The following MAP4K4 variants were observed in gnomAD, a reference collection of about 807,000 sequenced individuals.
The protein encoded by MAP4K4 is mitogen-activated protein kinase kinase kinase kinase 4, also known as HPK/GCK-like kinase HGK.
MAP4K4 carries 38 observed loss-of-function variants against 189.6 expected under a neutral mutation model. The ratio of observed to expected loss-of-function variants is 0.20; its 90% CI spans 0.15 to 0.26. MAP4K4 has a LOEUF of 0.26. Ranked by LOEUF, MAP4K4 falls within the 10% of genes least tolerant of loss-of-function variation. MAP4K4 has a pLI of 1.00. For synonymous variants in MAP4K4, 610 were observed against 624.3 expected (o/e 0.98, Z 0.34); for missense variants, 1,054 against 1,726.9 (o/e 0.61, Z 6.91).
chr2:101,812,563 T>C (rs1376437507), intron 3 of MAP4K4, among the ~76,000 whole-genome samples: 1 of 152,124 alleles, frequency 6.6e-6, no homozygotes, highest in Non-Finnish European at 1.5e-5. Flanking sequence ...TACAGCTTTA[T>C]GAAATGTGTA....
intron 2 of MAP4K4, among the ~76,000 whole-genome samples, chr2:101,764,437 G>C (rs781229319): frequency 6.6e-5 from 10 of 152,206 alleles, no homozygotes; most frequent in Non-Finnish European, 1.5e-4. Context: ...AAATTAAGTT[G>C]AGAACATTCT....
intron 2 of MAP4K4, among the ~76,000 whole-genome samples, chr2:101,776,766 G>C (rs1271672352): frequency 6.6e-6 from 1 of 151,986 alleles, no homozygotes; most frequent in African/African-American, 2.4e-5. Context: ...AAGTGCAACC[G>C]TAAGAGGACA....
chr2:101,714,750 G>A (rs75777737), intron 2 of MAP4K4, among the ~76,000 whole-genome samples: 306 of 152,282 alleles, frequency 2.0e-3, no homozygotes, highest in Middle Eastern at 0.014. Context: ...GAGGAGGCTT[G>A]AAGATTATCT....
chr2:101,884,299 CAT>C (rs1200288445), intron 28 of MAP4K4, among the ~76,000 whole-genome samples: 2 of 152,078 alleles, frequency 1.3e-5, no homozygotes, highest in Admixed American at 6.6e-5. Flanking sequence ...GCAATAGCCC[CAT>C]GTGTGTGGTG....
chr2:101,799,052 C>T (rs1199557795), intron 3 of MAP4K4, among the ~76,000 whole-genome samples: 1 of 152,074 alleles, frequency 6.6e-6, no homozygotes, highest in African/African-American at 2.4e-5. Flanking sequence ...ATCTTTTGCT[C>T]CTCTTTCCCA....
chr2:101,796,152 G>A (rs962413732), intron 3 of MAP4K4, among the ~76,000 whole-genome samples: 23 of 152,192 alleles, frequency 1.5e-4, no homozygotes, highest in African/African-American at 5.3e-4. Context: ...GGCCTGTCCA[G>A]TGGCCTTTCC....
At chr2:101,872,721 G>A (rs1186692260) in intron 24 of MAP4K4, among the ~76,000 whole-genome samples, 2 of 152,160 alleles carry the variant, frequency 1.3e-5, no homozygotes, top group Non-Finnish European at 2.9e-5. Flanking sequence ...GGAAGCTTAG[G>A]GGAGGGCATG....
exon 23 of MAP4K4, chr2:101,870,315 A>T: frequency 1.2e-6 from 2 of 1,613,156 alleles, no homozygotes; most frequent in Non-Finnish European, 1.7e-6. Flanking sequence ...AATTTGAGCA[A>T]TGGTGAAACG....
chr2:101,699,502 A>G (rs1238431076), intron 2 of MAP4K4, among the ~76,000 whole-genome samples: 2 of 152,180 alleles, frequency 1.3e-5, no homozygotes, highest in Non-Finnish European at 2.9e-5. Context: ...TTTAATCTGC[A>G]CTGGGGGAGT....
intron 19 of MAP4K4, 82 bp from the exon 20 acceptor site, chr2:101,867,130 G>T: frequency 1.2e-6 from 1 of 835,192 alleles, no homozygotes. Flanking sequence ...ACAGGAGTGG[G>T]CGGGGTGGGC....
intron 2 of MAP4K4, among the ~76,000 whole-genome samples, chr2:101,775,156 C>T (rs1176745279): frequency 6.6e-6 from 1 of 150,554 alleles, no homozygotes; most frequent in Non-Finnish European, 1.5e-5. Context: ...CATGTTGTTG[C>T]TGAGTGGCTT....
rs550682976 is a variant in MAP4K4 at position 101,755,639 on chromosome 2, T to G, written c.124-35081T>G. On this transcript the variant is annotated intron_variant, in intron 2 of 32. Coordinates refer to ENST00000324219, the Ensembl canonical transcript of MAP4K4. ...TGCACACTCTTTTCTTCTTCTTTCT[T>G]TATTTTTGCATTAATCCGCTCTCCC... Among the ~76,000 whole-genome samples the G allele has an allele frequency of 2.0e-5, 3 of 152,288 alleles. No homozygotes were observed. The South Asian group carries it at 6.2e-4, about 32-fold the overall frequency.
chr2:101,800,712 G>A (rs2094285841), intron 3 of MAP4K4, among the ~76,000 whole-genome samples: 2 of 152,198 alleles, frequency 1.3e-5, no homozygotes, highest in Non-Finnish European at 1.5e-5. Context: ...TTTTAATGCT[G>A]TTCATGGAGT....
At chr2:101,811,369 T>C (rs1467256985) in intron 3 of MAP4K4, among the ~76,000 whole-genome samples, 6 of 10,836 alleles carry the variant, frequency 5.5e-4, no homozygotes, top group African/African-American at 3.4e-3. Flanking sequence ...AGACTGCGTC[T>C]CAAAAAAAAA....
intron 3 of MAP4K4, among the ~76,000 whole-genome samples, chr2:101,816,777 A>G (rs2095750959): frequency 6.6e-6 from 1 of 152,172 alleles, no homozygotes; most frequent in South Asian, 2.1e-4. Context: ...GACCCAGTTG[A>G]AGGCAGTTTA....
chr2:101,833,135 A>G (rs989054271), intron 7 of MAP4K4, among the ~76,000 whole-genome samples: 3 of 152,162 alleles, frequency 2.0e-5, no homozygotes, highest in Non-Finnish European at 4.4e-5. Flanking sequence ...GGGAGGAATG[A>G]TAGGTCTCTC....
At position 101,863,972 on chromosome 2, in the gene MAP4K4, GCTCTGA is replaced by G. The variant is rs1350372594; in HGVS notation, c.2023_2028del (p.Asp675_Ser676del). 1.5e-6 allele frequency: 2 copies of G among 1,367,588 alleles called. No homozygotes were observed. Among genetic ancestry groups the G allele is most frequent in the Non-Finnish European group, 2.0e-6 (2 of 1,021,848 alleles). 84.7% of individuals were successfully genotyped at this position (1,367,588 alleles called of 1,614,324 possible). ...TCCCGCAGTGAGGTGCTCAGTCAGA[GCTCTGA>G]CTCTAAGTCAGAGGCGCCTGACCCT... On this transcript the variant is annotated inframe_deletion, in exon 17 of 33. Coordinates refer to ENST00000324219, the Ensembl canonical transcript of MAP4K4.
chr2:101,852,459 T>C (rs979662379), intron 12 of MAP4K4, among the ~76,000 whole-genome samples: 7 of 152,246 alleles, frequency 4.6e-5, no homozygotes, highest in Non-Finnish European at 7.4e-5. Context: ...ACATGGTTCC[T>C]GCTTTCAAGA....
At chr2:101,741,574 C>G (rs539254916) in intron 2 of MAP4K4, among the ~76,000 whole-genome samples, 1 of 152,080 alleles carries the variant, frequency 6.6e-6, no homozygotes, top group Non-Finnish European at 1.5e-5. Context: ...TACCCACCCC[C>G]GCTCCAGCCC....
Sources: gnomAD v4.1 joint callset for allele counts (sites outside exome capture counted in the v4.1 genomes callset) on GRCh38, gnomAD v4.1.1 for gene constraint, MANE v1.5 for transcripts, NCBI Gene and HGNC (gene_info 2026-07-23, HGNC 2026-07-21) for gene names.